Variants in MCM10 observed in about 807,000 individuals in gnomAD.
MCM10 encodes protein MCM10 homolog.
In MCM10, 91 loss-of-function variants were observed where a neutral mutation model predicts 109.9. That is an observed-to-expected ratio of 0.83 (90% CI 0.70 to 0.99). The LOEUF is 0.99. Among genes scored for constraint, MCM10 ranks in the 50% least tolerant of loss-of-function variants. The pLI, the probability that MCM10 is intolerant of heterozygous loss-of-function variation, is 0.00. For synonymous variants in MCM10, 380 were observed against 387.2 expected (o/e 0.98, Z 0.22); for missense variants, 1,077 against 1,061.2 (o/e 1.01, Z -0.21).
At chr10:13,175,123 CA>C (rs879267834) in intron 5 of MCM10, among the ~76,000 whole-genome samples, 69 of 138,362 alleles carry the variant, frequency 5.0e-4, no homozygotes, top group Non-Finnish European at 5.2e-4. Context: ...AACTCCATCT[CA>C]AAAAAAAAAA....
intron 10 of MCM10, 92 bp downstream of exon 10, chr10:13,189,172 A>G (rs1834315837): frequency 7.5e-7 from 1 of 1,338,166 alleles, no homozygotes; most frequent in East Asian, 2.3e-5. Context: ...GTCATAGGAT[A>G]CTTGTACAGG....
intron 7 of MCM10, 140 bp downstream of exon 7, chr10:13,180,747 T>G: frequency 1.0e-6 from 1 of 967,912 alleles, no homozygotes; most frequent in Non-Finnish European, 1.6e-6. Flanking sequence ...CACACATCAT[T>G]GAGTTGGTAT....
intron 18 of MCM10, among the ~76,000 whole-genome samples, chr10:13,208,740 G>A (rs1396603685): frequency 1.3e-5 from 2 of 152,112 alleles, no homozygotes; most frequent in Non-Finnish European, 2.9e-5. Context: ...CTGCACCAGA[G>A]GGCCAGCTCC....
intron 2 of MCM10, among the ~76,000 whole-genome samples, chr10:13,169,197 T>C (rs1834038504): frequency 1.3e-5 from 2 of 152,234 alleles, no homozygotes; most frequent in Admixed American, 1.3e-4. Flanking sequence ...AGCCAATCTT[T>C]TATGTCCTGT....
intron 14 of MCM10, among the ~76,000 whole-genome samples, chr10:13,196,661 C>T (rs1475820274): frequency 1.3e-5 from 2 of 151,770 alleles, no homozygotes; most frequent in East Asian, 3.9e-4. Flanking sequence ...TACAGGTGCC[C>T]ACCACCATGC....
chr10:13,177,209 A>C (rs555655412), intron 6 of MCM10, among the ~76,000 whole-genome samples: 1 of 152,220 alleles, frequency 6.6e-6, no homozygotes, highest in East Asian at 1.9e-4. Context: ...AAAGCTTCTG[A>C]GTGGCTTTTA....
chr10:13,197,153 G>A (rs1023313251), intron 14 of MCM10, among the ~76,000 whole-genome samples: 2 of 149,810 alleles, frequency 1.3e-5, no homozygotes, highest in Non-Finnish European at 3.0e-5. Flanking sequence ...AAACTCCCGA[G>A]CTCAAGAAAT....
At chr10:13,192,614 A>T (rs1263802215) in intron 13 of MCM10, 46 bp downstream of exon 13, 1 of 1,543,912 alleles carries the variant, frequency 6.5e-7, no homozygotes, top group Admixed American at 1.7e-5. Flanking sequence ...CATCCATCTC[A>T]GGCGTCCTCA....
intron 16 of MCM10, among the ~76,000 whole-genome samples, chr10:13,200,642 C>T (rs1834485446): frequency 6.6e-6 from 1 of 152,210 alleles, no homozygotes; most frequent in East Asian, 1.9e-4. Flanking sequence ...CTAATCCCAT[C>T]GCTGCACCCA....
Position 13,198,753 on chromosome 10 carries a change from G to C in MCM10, c.2184G>C (p.Glu728Asp). ...AACAACTTGCCTATCTGGAATCTGA[G>C]GAATTTCAGAAAATCCTAAAAGCAA... ...RREQLAYLESEEFQKILKAKS... is the reference protein window; with the variant it reads ...RREQLAYLESDEFQKILKAKS... Residue 728 changes from glutamate to aspartate, a missense_variant, in exon 16 of 20, where the codon GAG (glutamate) becomes GAC (aspartate). Glu to Asp is a conservative substitution (Grantham distance 45). Transcript: ENST00000378714. 1.2e-6 allele frequency: 2 copies of C among 1,613,874 alleles called. No individual in the cohort carries two copies. The highest frequency in any genetic ancestry group is 1.7e-6 in the Non-Finnish European group (2 of 1,179,992).
intron 18 of MCM10, among the ~76,000 whole-genome samples, chr10:13,207,455 G>T (rs974550527): frequency 6.6e-6 from 1 of 152,166 alleles, no homozygotes. Context: ...TTGGGAGGTT[G>T]TAAGGGCTAA....
intron 17 of MCM10, among the ~76,000 whole-genome samples, chr10:13,202,613 G>A (rs753914819): frequency 1.6e-4 from 25 of 152,084 alleles, no homozygotes; most frequent in Non-Finnish European, 2.5e-4. Context: ...TTCTGTCTTG[G>A]GGCATAAGTA....
intron 6 of MCM10, among the ~76,000 whole-genome samples, chr10:13,176,110 C>T (rs1026827800): frequency 3.3e-5 from 5 of 151,898 alleles, no homozygotes; most frequent in African/African-American, 7.3e-5. Flanking sequence ...GGGTCTTTTG[C>T]GGTTCTGTAT....
intron 6 of MCM10, among the ~76,000 whole-genome samples, chr10:13,176,425 A>G (rs1834142305): frequency 6.6e-6 from 1 of 152,212 alleles, no homozygotes; most frequent in African/African-American, 2.4e-5. Flanking sequence ...AGGGCAGAAC[A>G]GTACTCCTTA....
chr10:13,171,197 T>C lies in MCM10; in HGVS notation c.283T>C (p.Ser95Pro). Residue 95 changes from serine (S) to proline (P), a missense_variant, in exon 3 of 20, where the codon TCA becomes CCA. Physicochemically the swap from Ser to Pro is moderately conservative, Grantham distance 74. Transcript: ENST00000378714. ...TGAAGAAGAAGTTCCCGCATCACAGTCAACTGAAAATAGGGTCCTCCCTGC... is the reference window on the plus strand; with the variant it reads ...TGAAGAAGAAGTTCCCGCATCACAGCCAACTGAAAATAGGGTCCTCCCTGC... ...TDEEEVPASQ[S>P]TENRVLPAPA... The C allele has an allele frequency of 1.9e-6, 3 of 1,614,136 alleles. No homozygotes were observed. The highest frequency in any genetic ancestry group is 2.5e-6 in the Non-Finnish European group (3 of 1,180,024).
intron 6 of MCM10, among the ~76,000 whole-genome samples, chr10:13,177,687 C>T (rs1224172408): frequency 6.6e-6 from 1 of 151,754 alleles, no homozygotes; most frequent in African/African-American, 2.4e-5. Flanking sequence ...GCCTGGGCAA[C>T]AGGACAAAAC....
intron 13 of MCM10, among the ~76,000 whole-genome samples, chr10:13,193,932 G>C (rs1156500329): frequency 6.6e-6 from 1 of 152,180 alleles, no homozygotes; most frequent in African/African-American, 2.4e-5. Flanking sequence ...CGGTTGGGAA[G>C]AGTACTGCTC....
Position 13,192,307 on chromosome 10 carries a change from C to T in MCM10, c.1569C>T (p.Asp523=), listed in dbSNP as rs1834357864. 1 of 1,614,056 alleles carries T rather than the reference C, an allele frequency of 6.2e-7. No individual in the cohort carries two copies. The highest frequency in any genetic ancestry group is 1.7e-5 in the Admixed American group (1 of 60,000). ...SCSEEFKELM[D]LPTCGARNLK... Reference sequence around the variant, plus strand: ...CTGAGGAGTTCAAGGAACTGATGGACCTGCCGACGTGTGGAGCCAGGAACT... The same window carrying T: ...CTGAGGAGTTCAAGGAACTGATGGATCTGCCGACGTGTGGAGCCAGGAACT... The change falls in exon 12 of 20, where the codon GAC becomes GAT. Residue 523 remains aspartate, a synonymous_variant. Coordinates refer to ENST00000378714, the MANE Select transcript of MCM10 (RefSeq NM_018518.5).
chr10:13,164,309 C>A, intron 2 of MCM10, 100 bp downstream of exon 2: 3 of 1,168,328 alleles, frequency 2.6e-6, no homozygotes, highest in South Asian at 1.6e-5. Context: ...GAAAATGCTC[C>A]CCAGCCCTCA....
Sources: gnomAD v4.1 joint callset for allele counts (sites outside exome capture counted in the v4.1 genomes callset) on GRCh38, gnomAD v4.1.1 for gene constraint, MANE v1.5 for transcripts, NCBI Gene and HGNC (gene_info 2026-07-23, HGNC 2026-07-21) for gene names.